The following OR2AG2 variants were observed in gnomAD, a reference collection of about 807,000 sequenced individuals.
OR2AG2 encodes olfactory receptor family 2 subfamily AG member 2, also known as olfactory receptor 2AG2.
For synonymous variants in OR2AG2, 167 were observed against 157.1 expected, an observed-to-expected ratio of 1.06 and a Z score of -0.47; for missense variants, 390 against 391.9, an observed-to-expected ratio of 1.00 and a Z score of 0.04.
chr11:6,769,714 T>C (rs577573898), intron 1 of OR2AG2, among the ~76,000 whole-genome samples: 1 of 152,264 alleles, frequency 6.6e-6, no homozygotes, highest in Non-Finnish European at 1.5e-5. Flanking sequence ...GGAGGAGACA[T>C]TGTAGAAACG....
At chr11:6,770,259 GA>G (rs897982468) in intron 1 of OR2AG2, among the ~76,000 whole-genome samples, 27 of 150,048 alleles carry the variant, frequency 1.8e-4, no homozygotes, top group Non-Finnish European at 3.3e-4. Flanking sequence ...TACATCCAGT[GA>G]AAAAAAAATA....
At chr11:6,770,906 G>T (rs138402125) in intron 1 of OR2AG2, among the ~76,000 whole-genome samples, 1 of 152,032 alleles carries the variant, frequency 6.6e-6, no homozygotes, top group South Asian at 2.1e-4. Flanking sequence ...CCTCTGATAC[G>T]GGACTATTGT....
Position 6,768,575 on chromosome 11 carries a change from T to C in OR2AG2, c.383A>G (p.His128Arg). 1 of 1,614,086 alleles carries C rather than the reference T, an allele frequency of 6.2e-7. No individual in the cohort carries two copies. Among genetic ancestry groups the C allele is most frequent in the Non-Finnish European group, 8.5e-7 (1 of 1,179,998 alleles). The change falls in exon 2 of 2, where the codon CAT becomes CGT. Residue 128 changes from histidine to arginine, a missense_variant. Transcript: ENST00000641124. The part of the protein sequence containing the change: ...MAYDRYVAIC[H>R]PLKYMTLMSP... ...CATGAGGGTCATGTATTTCAGAGGA[T>C]GACAAATGGCCACATACCTGTCATA...
chr11:6,768,105 G>C lies in OR2AG2; in HGVS notation c.853C>G (p.Leu285Val). 4.3e-6 allele frequency: 7 copies of C among 1,614,142 alleles called. No homozygotes were observed. Among genetic ancestry groups the C allele is most frequent in the Non-Finnish European group, 5.9e-6 (7 of 1,180,022 alleles). The part of the protein sequence containing the change: ...SVFYTIVTPA[L>V]NPLIYSLRNK... ...CTCAGGCTGTAGATGAGTGGATTCA[G>C]GGCTGGAGTGACAATTGTGTAGAAA... The change falls in exon 2 of 2, where the codon CTG (leucine) becomes GTG (valine). Residue 285 changes from leucine (L) to valine (V), a missense_variant. Leu to Val is a conservative substitution (Grantham distance 32). Coordinates refer to ENST00000641124, the MANE Select transcript of OR2AG2 (RefSeq NM_001004490.2).
rs760861046 is a variant in OR2AG2 at position 6,767,917 on chromosome 11, G to A, written c.*90C>T. 70 of 1,078,008 alleles carry A rather than the reference G, an allele frequency of 6.5e-5. No individual in the cohort carries two copies. The highest frequency in any genetic ancestry group is 5.7e-4 in the South Asian group (36 of 62,700). 66.8% of individuals were successfully genotyped at this position (1,078,008 alleles called of 1,614,324 possible). A position where few individuals can be genotyped will look rare whatever the true frequency, so the allele number is the denominator to read the frequency against. On this transcript the variant is annotated 3_prime_UTR_variant, in exon 2 of 2. Coordinates refer to ENST00000641124, the MANE Select transcript of OR2AG2 (RefSeq NM_001004490.2). Reference sequence around the variant, plus strand: ...CTCAGAGTACAGTATTGAAGAATGAGTGAGTAGAGAATTTTATTTGGAGCA... The same window carrying A: ...CTCAGAGTACAGTATTGAAGAATGAATGAGTAGAGAATTTTATTTGGAGCA...
rs940054862 is a variant in OR2AG2, at chr11:6,768,025, C to T, written c.933G>A (p.Leu311=). The T allele has an allele frequency of 2.5e-6, 4 of 1,612,900 alleles. No homozygotes were observed. Among genetic ancestry groups the T allele is most frequent in the East Asian group, 2.2e-5 (1 of 44,854 alleles). ...TCCTTCCCTAGAGCGTGGAATGTGCCAGCAGTATGTATTTTCCCAGGACCC... is the reference window on the plus strand; with the variant it reads ...TCCTTCCCTAGAGCGTGGAATGTGCTAGCAGTATGTATTTTCCCAGGACCC... ...LRRVLGKYIL[L]AHSTL The change falls in exon 2 of 2, where the codon CTG becomes CTA. Residue 311 remains leucine (L), a synonymous_variant. Coordinates refer to ENST00000641124, the MANE Select transcript of OR2AG2 (RefSeq NM_001004490.2).
chr11:6,771,258 G>C (rs1263255063), intron 1 of OR2AG2, among the ~76,000 whole-genome samples: 1 of 152,194 alleles, frequency 6.6e-6, no homozygotes, highest in Non-Finnish European at 1.5e-5. Context: ...CAGGGGAAAG[G>C]CACTTCAGCA....
chr11:6,769,009 T>C lies in OR2AG2; in HGVS notation c.-52A>G, dbSNP rs751604762. 3.0e-6 allele frequency: 4 copies of C among 1,331,774 alleles called. No homozygotes were observed. The South Asian group carries it at 4.0e-5, about 13-fold the overall frequency. The allele number at this position is 1,331,774 out of a possible 1,614,324, so 82.5% of individuals were successfully genotyped here. A position where few individuals can be genotyped will look rare whatever the true frequency, so the allele number is the denominator to read the frequency against. On this transcript the variant is annotated 5_prime_UTR_variant, in exon 2 of 2. Transcript: ENST00000641124. ...CAAATATATTATCAGTGGAAGCTTT[T>C]CTAAAGGTGTTCACTCTAGCTTTGG...
chr11:6,767,680 T>C lies in OR2AG2; in HGVS notation c.*327A>G. 1 of 284,188 alleles carries C rather than the reference T, an allele frequency of 3.5e-6. No individual in the cohort carries two copies. The highest frequency in any genetic ancestry group is 8.2e-5 in the South Asian group (1 of 12,178). 17.6% of individuals were successfully genotyped at this position (284,188 alleles called of 1,614,324 possible). On this transcript the variant is annotated 3_prime_UTR_variant, in exon 2 of 2. Coordinates refer to ENST00000641124, the MANE Select transcript of OR2AG2 (RefSeq NM_001004490.2). ...ATGTTAAAATGGAAAGCTAATCCCC[T>C]ACCATGTCTACTTGGTAATGTGTCA...
rs542919579 is a variant in OR2AG2 at position 6,768,494 on chromosome 11, A to G, written c.464T>C (p.Ile155Thr). 1.4e-5 allele frequency: 22 copies of G among 1,614,110 alleles called. No individual in the cohort carries two copies. In the South Asian group the frequency reaches 2.3e-4, roughly 17 times the overall value. The change falls in exon 2 of 2, where the codon ATT (isoleucine) becomes ACT (threonine). Residue 155 changes from isoleucine to threonine, a missense_variant. By Grantham distance (89) the Ile-to-Thr change is moderately conservative. Coordinates refer to ENST00000641124, the MANE Select transcript of OR2AG2 (RefSeq NM_001004490.2). ...VATSWILASL[I>T]AIGHTMYTMH... ...AGTGTACATGGTATGTCCTATAGCA[A>G]TCAGGGATGCCAGGATCCAGGATGT...
Position 6,767,102 on chromosome 11 carries a change from GTCTC to G in OR2AG2, c.*901_*904del. On this transcript the variant is annotated 3_prime_UTR_variant, in exon 2 of 2. Coordinates refer to ENST00000641124, the MANE Select transcript of OR2AG2 (RefSeq NM_001004490.2). ...TTATTTATTTATTTATTGAAACGGA[GTCTC>G]TCTCTGTTGCTCAGGCTGGAGTGCA... is the stretch of plus-strand genomic sequence containing the variant. The G allele has an allele frequency of 6.6e-6, 1 of 152,034 alleles. No individual in the cohort carries two copies. The highest frequency in any genetic ancestry group is 1.9e-4 in the East Asian group (1 of 5,186). 9.4% of individuals were successfully genotyped at this position (152,034 alleles called of 1,614,324 possible). A position where few individuals can be genotyped will look rare whatever the true frequency, so the allele number is the denominator to read the frequency against.
intron 1 of OR2AG2, among the ~76,000 whole-genome samples, chr11:6,770,865 A>G (rs1847440154): frequency 6.6e-6 from 1 of 152,202 alleles, no homozygotes; most frequent in African/African-American, 2.4e-5. Context: ...TGGTGTAACC[A>G]GGACTCAGGA....
Position 6,768,087 on chromosome 11 carries a change from T to G in OR2AG2, c.871A>C (p.Ser291Arg), listed in dbSNP as rs1226309634. The change falls in exon 2 of 2, where the codon AGC becomes CGC. Residue 291 changes from serine (S) to arginine (R), a missense_variant. Physicochemically the swap from Ser to Arg is moderately radical, Grantham distance 110. Transcript: ENST00000641124. ...CGCATGACCTCCTTATTCCTCAGGC[T>G]GTAGATGAGTGGATTCAGGGCTGGA... ...VTPALNPLIY[S>R]LRNKEVMRAL... 1.2e-6 allele frequency: 2 copies of G among 1,614,096 alleles called. No homozygotes were observed. Among genetic ancestry groups the G allele is most frequent in the Non-Finnish European group, 1.7e-6 (2 of 1,180,018 alleles).
rs757293216 is a variant in OR2AG2 at position 6,768,796 on chromosome 11, C to T, written c.162G>A (p.Arg54=). The T allele has an allele frequency of 6.2e-6, 10 of 1,613,940 alleles. No homozygotes were observed. In the Middle Eastern group the frequency reaches 4.9e-4, roughly 80 times the overall value. The change falls in exon 2 of 2, where the codon CGG becomes CGA. Residue 54 remains arginine, a synonymous_variant. Coordinates refer to ENST00000641124, the MANE Select transcript of OR2AG2 (RefSeq NM_001004490.2). ...GCAGGAGGTACATGGGCATGTGGAG[C>T]CGGGCTTCTATGGTGATGGCCAGGA... ...LLLLAITIEA[R]LHMPMYLLLG...
At position 6,769,269 on chromosome 11, in the gene OR2AG2, T is replaced by C. The variant is rs186116178; in HGVS notation, c.-312A>G. The C allele has an allele frequency of 6.5e-4, 173 of 267,288 alleles. No individual in the cohort carries two copies. Among genetic ancestry groups the C allele is most frequent in the African/African-American group, 3.5e-3 (160 of 45,530 alleles). The allele number at this position is 267,288 out of a possible 1,614,324, so 16.6% of individuals were successfully genotyped here. A position where few individuals can be genotyped will look rare whatever the true frequency, so the allele number is the denominator to read the frequency against. ...TTGTAGATAGATGAAAGCATCTCTT[T>C]CTTCACAATGAACAAATATACTGGG... On this transcript the variant is annotated 5_prime_UTR_variant, in exon 2 of 2. Coordinates refer to ENST00000641124, the MANE Select transcript of OR2AG2 (RefSeq NM_001004490.2).
Position 6,769,171 on chromosome 11 carries a change from AT to A in OR2AG2, c.-215del, listed in dbSNP as rs1847418195. The A allele has an allele frequency of 1.9e-6, 1 of 520,874 alleles. No homozygotes were observed. Among genetic ancestry groups the A allele is most frequent in the Non-Finnish European group, 3.4e-6 (1 of 296,296 alleles). 32.3% of individuals were successfully genotyped at this position (520,874 alleles called of 1,614,324 possible). On this transcript the variant is annotated 5_prime_UTR_variant, in exon 2 of 2. It removes an upstream start codon present in the reference 5' UTR. Coordinates refer to ENST00000641124, the MANE Select transcript of OR2AG2 (RefSeq NM_001004490.2). Reference sequence around the variant, plus strand: ...CTAAACTGGTATCAGGTATTTTGACATGTTGTTAATAGTAATCATTTAGAAA... The same window carrying A: ...CTAAACTGGTATCAGGTATTTTGACAGTTGTTAATAGTAATCATTTAGAAA...
Position 6,771,235 on chromosome 11 carries a change from C to A in OR2AG2, c.-538+387G>T, listed in dbSNP as rs143824354. Among the ~76,000 whole-genome samples the A allele has an allele frequency of 7.2e-4, 110 of 152,284 alleles. 1 individual carries two copies. The East Asian group carries it at 0.014, about 20-fold the overall frequency. ...TTTTTGTGTGGCACTGGACTTAGCG[C>A]CAAGCAGTCCTGCAGGGGAAAGGCA... is the stretch of plus-strand genomic sequence containing the variant. On this transcript the variant is annotated intron_variant, in intron 1 of 1. Coordinates refer to ENST00000641124, the MANE Select transcript of OR2AG2 (RefSeq NM_001004490.2).
chr11:6,769,211 G>A lies in OR2AG2; in HGVS notation c.-254C>T. ...ATCATTTAGAAATCCCTTCAAATAA[G>A]GTATCCTGAAGAATAAGCCCAAGCA... On this transcript the variant is annotated 5_prime_UTR_variant, in exon 2 of 2. Coordinates refer to ENST00000641124, the MANE Select transcript of OR2AG2 (RefSeq NM_001004490.2). 2.4e-6 allele frequency: 1 copy of A among 419,620 alleles called. No homozygotes were observed. The highest frequency in any genetic ancestry group is 4.2e-6 in the Non-Finnish European group (1 of 237,314). The allele number at this position is 419,620 out of a possible 1,614,324, so 26.0% of individuals were successfully genotyped here.
chr11:6,769,930 G>C (rs893793752), intron 1 of OR2AG2, among the ~76,000 whole-genome samples: 2 of 152,148 alleles, frequency 1.3e-5, no homozygotes, highest in African/African-American at 4.8e-5. Flanking sequence ...CGCTTTTTGT[G>C]AATGCAGTTT....
Sources: gnomAD v4.1 joint callset for allele counts (sites outside exome capture counted in the v4.1 genomes callset) on GRCh38, gnomAD v4.1.1 for gene constraint, MANE v1.5 for transcripts, NCBI Gene and HGNC (gene_info 2026-07-23, HGNC 2026-07-21) for gene names.